The following LY75 variants were observed in gnomAD, a reference collection of about 807,000 sequenced individuals.
The protein encoded by LY75 is lymphocyte antigen 75.
Under a neutral mutation model 231.7 loss-of-function variants are expected in LY75, and 185 were observed. That is an observed-to-expected ratio of 0.80 (90% CI 0.71 to 0.90). The LOEUF is 0.90. LY75 is among the 40% of genes least tolerant of loss of function. The probability of loss-of-function intolerance (pLI) is 0.00; values close to 1 mark genes in which losing one functional copy is unlikely to be tolerated. For missense variants in LY75, 1,947 were observed against 2,050.2 expected (o/e 0.95, Z 0.97); for synonymous variants, 668 against 689.0 (o/e 0.97, Z 0.48).
At chr2:159,860,984 T>A (rs1322127801) in intron 14 of LY75, 95 bp from the exon 15 acceptor site, 34 of 1,343,534 alleles carry the variant, frequency 2.5e-5, no homozygotes, top group Non-Finnish European at 3.4e-5. Context: ...TCAAGTGCGT[T>A]GATATGCCAC....
intron 15 of LY75, among the ~76,000 whole-genome samples, chr2:159,859,929 C>G (rs1376036318): frequency 1.3e-5 from 2 of 152,172 alleles, no homozygotes; most frequent in Non-Finnish European, 2.9e-5. Flanking sequence ...CCTTATTATT[C>G]TTTCATAATA....
intron 26 of LY75, among the ~76,000 whole-genome samples, chr2:159,835,025 C>T (rs577383628): frequency 2.6e-5 from 4 of 152,340 alleles, no homozygotes; most frequent in East Asian, 1.9e-4. Flanking sequence ...GTCAACTCAT[C>T]TCCAGTTATA....
At position 159,876,062 on chromosome 2, in the gene LY75, C is replaced by T. The variant is rs1302196817; in HGVS notation, c.1775-419G>A. Among the ~76,000 whole-genome samples the T allele has an allele frequency of 3.3e-5, 5 of 152,174 alleles. No individual in the cohort carries two copies. In the East Asian group the frequency reaches 5.8e-4, roughly 18 times the overall value. On this transcript the variant is annotated intron_variant, in intron 11 of 34. Transcript: ENST00000263636. Reference sequence around the variant, plus strand: ...GCAGTTTTTAAGAAACTTAGTTAACCTCAAAACACAACTCTCCCAGATTCT... The same window carrying T: ...GCAGTTTTTAAGAAACTTAGTTAACTTCAAAACACAACTCTCCCAGATTCT...
chr2:159,877,086 T>C (rs1685300799), intron 11 of LY75, among the ~76,000 whole-genome samples: 1 of 151,592 alleles, frequency 6.6e-6, no homozygotes, highest in Non-Finnish European at 1.5e-5. Flanking sequence ...ATTAGAGTGT[T>C]CTTAATCTGA....
intron 25 of LY75, among the ~76,000 whole-genome samples, chr2:159,836,802 C>A (rs1239784223): frequency 1.3e-5 from 2 of 152,192 alleles, no homozygotes; most frequent in Admixed American, 6.5e-5. Context: ...TTCGGCCATG[C>A]GACTTTGCCT....
chr2:159,862,545 C>T (rs1398143927), intron 14 of LY75, among the ~76,000 whole-genome samples: 2 of 152,112 alleles, frequency 1.3e-5, no homozygotes, highest in African/African-American at 4.8e-5. Flanking sequence ...AGAGACTATA[C>T]ATATGGGTTT....
chr2:159,881,263 G>A, intron 7 of LY75, 23 bp from the exon 8 acceptor site: 1 of 1,601,654 alleles, frequency 6.2e-7, no homozygotes, highest in Non-Finnish European at 8.5e-7. Flanking sequence ...TGTATTATTT[G>A]TTTGGTTTTG....
intron 7 of LY75, among the ~76,000 whole-genome samples, chr2:159,881,623 T>C (rs187893183): frequency 4.5e-4 from 69 of 152,306 alleles, no homozygotes; most frequent in Non-Finnish European, 7.4e-4. Context: ...AGGCTGGCAC[T>C]GAGTAGGTAC....
intron 25 of LY75, 118 bp downstream of exon 25, chr2:159,840,611 T>G: frequency 6.9e-7 from 1 of 1,441,626 alleles, no homozygotes; most frequent in Non-Finnish European, 9.3e-7. Flanking sequence ...CCATGAAATT[T>G]ACTGGAGTAA....
intron 12 of LY75, 36 bp from the exon 13 acceptor site, chr2:159,872,629 T>C: frequency 6.3e-7 from 1 of 1,598,202 alleles, no homozygotes; most frequent in Non-Finnish European, 8.5e-7. Flanking sequence ...TTTTATGGTA[T>C]TATCATAAAG....
intron 5 of LY75, 27 bp downstream of exon 5, chr2:159,886,393 C>G: frequency 6.3e-7 from 1 of 1,594,272 alleles, no homozygotes; most frequent in Non-Finnish European, 8.5e-7. Flanking sequence ...TTGTTCTGTG[C>G]AGAGGGGGTA....
chr2:159,901,464 T>C (rs1686076088), intron 1 of LY75, among the ~76,000 whole-genome samples: 1 of 152,224 alleles, frequency 6.6e-6, no homozygotes, highest in African/African-American at 2.4e-5. Flanking sequence ...CTTGCTGCTG[T>C]CTTTCCCGGG....
rs142920487 is a variant in LY75, at chr2:159,895,691, T to A, written c.467-1607A>T. Among the ~76,000 whole-genome samples the A allele has an allele frequency of 8.2e-3, 1,245 of 152,310 alleles. 9 individuals carry two copies. The highest frequency in any genetic ancestry group is 0.014 in the Non-Finnish European group (925 of 68,020). On this transcript the variant is annotated intron_variant, in intron 2 of 34. Coordinates refer to ENST00000263636, the MANE Select transcript of LY75 (RefSeq NM_002349.4). ...GCTCTCTCTGATTAGACTCTTGACC[T>A]ATAAGGACAACTTGTGACATCAGCG...
chr2:159,820,633 A>G (rs1560065695), intron 28 of LY75, among the ~76,000 whole-genome samples: 1 of 152,198 alleles, frequency 6.6e-6, no homozygotes, highest in Non-Finnish European at 1.5e-5. Context: ...ACACTAAAGA[A>G]CTTATCTATG....
chr2:159,842,198 T>TATATATATATATATATAA, intron 24 of LY75, 47 bp downstream of exon 24: 1 of 1,571,526 alleles, frequency 6.4e-7, no homozygotes. Context: ...TATATATATA[T>TATATATATATATATATAA]ATGTAATAGC....
intron 28 of LY75, among the ~76,000 whole-genome samples, chr2:159,829,236 C>G (rs1480964392): frequency 6.6e-6 from 1 of 152,186 alleles, no homozygotes; most frequent in Non-Finnish European, 1.5e-5. Flanking sequence ...ACATTAGAAG[C>G]ACTGCACACA....
intron 1 of LY75, 30 bp downstream of exon 1, chr2:159,904,559 G>A (rs1263791950): frequency 4.0e-6 from 6 of 1,502,348 alleles, no homozygotes; most frequent in African/African-American, 2.9e-5. Context: ...GGCACCCAGC[G>A]GACTGCGGGG....
At chr2:159,858,872 C>T (rs572480516) in intron 15 of LY75, among the ~76,000 whole-genome samples, 1 of 152,256 alleles carries the variant, frequency 6.6e-6, no homozygotes, top group Non-Finnish European at 1.5e-5. Context: ...AGGATTTTGC[C>T]CTTCTCCACA....
intron 15 of LY75, among the ~76,000 whole-genome samples, chr2:159,859,535 C>A (rs1684639442): frequency 6.6e-6 from 1 of 152,104 alleles, no homozygotes; most frequent in African/African-American, 2.4e-5. Context: ...TCTCAACTTA[C>A]CATAGCATAC....
Sources: allele counts gnomAD v4.1 joint callset (sites outside exome capture counted in the v4.1 genomes callset), GRCh38; gene constraint gnomAD v4.1.1; transcripts MANE v1.5; gene names NCBI Gene and HGNC (gene_info 2026-07-23, HGNC 2026-07-21).